The following ABCC10 variants were observed in gnomAD, a reference collection of about 807,000 sequenced individuals.
ABCC10 encodes ATP binding cassette subfamily C member 10, also known as ATP-binding cassette sub-family C member 10.
A neutral mutation model predicts 143.2 loss-of-function variants in ABCC10; 110 were observed. That is an observed-to-expected ratio of 0.77 (90% confidence interval 0.66 to 0.90). The LOEUF is 0.90. ABCC10 is among the 40% of genes least tolerant of loss of function. The pLI is 0.00. For synonymous variants in ABCC10, 805 were observed against 846.7 expected (o/e 0.95, Z 0.85); for missense variants, 1,700 against 1,900.5 (o/e 0.89, Z 1.96).
In ABCC10 at chr6:43,429,392, G is replaced by GTGTT. The variant is rs1245303675; in HGVS notation, c.161+1256_161+1257insTTGT. Among the ~76,000 whole-genome samples, 18 of 46,326 alleles carry GTGTT rather than the reference G, an allele frequency of 3.9e-4. 1 individual carries two copies. The highest frequency in any genetic ancestry group is 1.4e-3 in the African/African-American group (17 of 12,182). The allele number at this position is 46,326 out of a possible 152,430, so 30.4% of individuals were successfully genotyped here. A position where few individuals can be genotyped will look rare whatever the true frequency, so the allele number is the denominator to read the frequency against. Reference sequence around the variant, plus strand: ...CTTTCTTGTGTGTGTGTGTGTGTGTGTGTGTGTGTGTGTGTGTGGCGGGGG... The same window carrying GTGTT: ...CTTTCTTGTGTGTGTGTGTGTGTGTGTGTTTGTGTGTGTGTGTGTGTGGCGGGGG... On this transcript the variant is annotated intron_variant, in intron 2 of 21. Transcript: ENST00000372530.
At chr6:43,440,521 GGGAGGCCAA>G (rs1782282221) in intron 8 of ABCC10, among the ~76,000 whole-genome samples, 1 of 152,094 alleles carries the variant, frequency 6.6e-6, no homozygotes, top group African/African-American at 2.4e-5. Flanking sequence ...CTAGCATTTT[GGGAGGCCAA>G]GGAGGGTGGA....
At chr6:43,429,084 C>G (rs943344861) in intron 2 of ABCC10, among the ~76,000 whole-genome samples, 27 of 152,202 alleles carry the variant, frequency 1.8e-4, no homozygotes, top group Non-Finnish European at 4.4e-5. Flanking sequence ...CTTCACTTCA[C>G]TTATCAGCCT....
At chr6:43,440,271 T>C (rs1782249671) in intron 8 of ABCC10, among the ~76,000 whole-genome samples, 1 of 152,092 alleles carries the variant, frequency 6.6e-6, no homozygotes, top group Admixed American at 6.6e-5. Flanking sequence ...TTTCGTAGGT[T>C]TTTAGAGAAG....
chr6:43,451,758 A>C (rs1260700843), downstream of ABCC10, among the ~76,000 whole-genome samples: 2 of 151,696 alleles, frequency 1.3e-5, no homozygotes, highest in Non-Finnish European at 2.9e-5. This position sits in a 1 kb window ranked among gnomAD's most constrained non-coding sequence, Gnocchi z 4.4. Context: ...CTCAGAAGGT[A>C]CAAAAAAAAA....
downstream of ABCC10, chr6:43,451,869 C>A: frequency 6.3e-7 from 1 of 1,584,280 alleles, no homozygotes. The surrounding 1 kb of genome is among the most constrained non-coding windows in gnomAD (Gnocchi z 4.4). Context: ...CCCAACAGTC[C>A]TGCCTCTTTT....
At chr6:43,446,940 T>G in intron 16 of ABCC10, 1 of 957,800 alleles carries the variant, frequency 1.0e-6, no homozygotes, top group South Asian at 2.9e-5. Flanking sequence ...CTCTGCCTCC[T>G]GGGTTCAAGC....
In ABCC10 at chr6:43,449,503, G is replaced by A. The variant is rs1315034623; in HGVS notation, c.4285G>A (p.Ala1429Thr). Reference sequence around the variant, plus strand: ...CCAGCAGACCATCTGCAAACGCTTTGCCAACAAGACAGTGCTGACCATTGC... The same window carrying A: ...CCAGCAGACCATCTGCAAACGCTTTACCAACAAGACAGTGCTGACCATTGC... ...LLQQTICKRF[A>T]NKTVLTIAHR... Residue 1429 changes from alanine to threonine, a missense_variant, in exon 21 of 22, where the codon GCC (alanine) becomes ACC (threonine). Physicochemically the swap from Ala to Thr is moderately conservative, Grantham distance 58. Transcript: ENST00000372530. 1 of 1,614,018 alleles carries A rather than the reference G, an allele frequency of 6.2e-7. No individual in the cohort carries two copies. Among genetic ancestry groups the A allele is most frequent in the Non-Finnish European group, 8.5e-7 (1 of 1,179,950 alleles).
In ABCC10 at chr6:43,450,007, C is replaced by T. The variant is rs1341021130; in HGVS notation, c.4395C>T (p.Thr1465=). ...GRVVELDSPA[T]LRNQPHSLFQ... is the part of the protein sequence containing the mutation. ...TGGTAGAGCTGGACTCCCCGGCCACCCTGCGCAACCAGCCCCACTCCCTGT... is the reference window on the plus strand; with the variant it reads ...TGGTAGAGCTGGACTCCCCGGCCACTCTGCGCAACCAGCCCCACTCCCTGT... Residue 1465 remains threonine (T), a synonymous_variant, in exon 22 of 22, where the codon ACC becomes ACT. Transcript: ENST00000372530. The surrounding 1 kb of genome is among the most constrained non-coding windows in gnomAD (Gnocchi z 4.5). 2 of 1,613,554 alleles carry T rather than the reference C, an allele frequency of 1.2e-6. No homozygotes were observed. The highest frequency in any genetic ancestry group is 3.3e-5 in the Admixed American group (2 of 59,990).
intron 8 of ABCC10, among the ~76,000 whole-genome samples, chr6:43,439,533 G>A (rs895778139): frequency 9.9e-5 from 15 of 152,048 alleles, no homozygotes; most frequent in African/African-American, 3.6e-4. Context: ...CCCTCAAGTG[G>A]CTGGGACTAC....
At chr6:43,439,827 C>T (rs1028297464) in intron 8 of ABCC10, among the ~76,000 whole-genome samples, 10 of 152,102 alleles carry the variant, frequency 6.6e-5, no homozygotes, top group Non-Finnish European at 1.3e-4. Context: ...TGTGATCTGC[C>T]CACCTTGGCC....
Position 43,435,783 on chromosome 6 carries a change from C to T in ABCC10, c.1641C>T (p.Leu547=), listed in dbSNP as rs149139223. ...CGGCCCTGGCACTGGTGCGAATGCT[C>T]ATTCTTCCTCTCAACAACTTCCCTT... ...VFTALALVRM[L]ILPLNNFPWV... is the part of the protein sequence containing the mutation. Residue 547 remains leucine, a synonymous_variant, in exon 5 of 22, where the codon CTC becomes CTT. Coordinates refer to ENST00000372530, the MANE Select transcript of ABCC10 (RefSeq NM_001198934.2). The T allele has an allele frequency of 6.2e-6, 10 of 1,614,214 alleles. No individual in the cohort carries two copies. In the South Asian group the frequency reaches 6.6e-5, roughly 11 times the overall value.
chr6:43,444,173 G>A lies in ABCC10; in HGVS notation c.2509G>A (p.Val837Ile), dbSNP rs1782775346. 1.2e-6 allele frequency: 2 copies of A among 1,613,616 alleles called. No individual in the cohort carries two copies. Among genetic ancestry groups the A allele is most frequent in the Non-Finnish European group, 1.7e-6 (2 of 1,179,742 alleles). ...QESDSATAQS[V>I]QNPEKTKEGL... The stretch of plus-strand genomic sequence containing the variant: ...GATTCTCACAGCCACAGCCCAGTCA[G>A]TACAGAACCCAGAGAAAACAAAGGA... Residue 837 changes from valine (V) to isoleucine (I), a missense_variant, in exon 12 of 22, where the codon GTA becomes ATA. Physicochemically the swap from Val to Ile is conservative, Grantham distance 29. Transcript: ENST00000372530.
rs1275987263 is a variant in ABCC10 at position 43,434,670 on chromosome 6, G to A, written c.1430G>A (p.Trp477Ter). The change falls in exon 4 of 22, where the codon TGG becomes TAG. Residue 477 changes from tryptophan (W) to a stop codon, truncating the protein, a stop_gained. Coordinates refer to ENST00000372530, the MANE Select transcript of ABCC10 (RefSeq NM_001198934.2). LOFTEE classifies it high-confidence loss of function. Reference protein sequence around the residue: ...SGIRVIKFCGWEQALGARVEA... With the variant: ...SGIRVIKFCG ...ATTCGGGTCATCAAGTTCTGCGGGTGGGAGCAGGCACTGGGAGCCCGAGTA... is the reference window on the plus strand; with the variant it reads ...ATTCGGGTCATCAAGTTCTGCGGGTAGGAGCAGGCACTGGGAGCCCGAGTA... 3 of 1,614,080 alleles carry A rather than the reference G, an allele frequency of 1.9e-6. No homozygotes were observed. In the African/African-American group the frequency reaches 4.0e-5, roughly 22 times the overall value.
intron 5 of ABCC10, 63 bp from the exon 6 acceptor site, chr6:43,436,075 T>C (rs1423027585): frequency 1.2e-6 from 2 of 1,611,266 alleles, no homozygotes; most frequent in Admixed American, 3.3e-5. Flanking sequence ...AATTACATGA[T>C]TTACCCTCCC....
rs1258785683 is a variant in ABCC10 at position 43,428,069 on chromosome 6, C to T, written c.91C>T (p.Gln31Ter). Residue 31 changes from glutamine to a stop codon, truncating the protein, a stop_gained, in exon 2 of 22, where the codon CAG becomes TAG. Transcript: ENST00000372530. LOFTEE classifies it high-confidence loss of function. The stretch of plus-strand genomic sequence containing the variant: ...GGACACCACAGGCCACTGCTTCACC[C>T]AGCTGGTGCTCAGCGCCCTGCCCCA... ...EGDTTGHCFT[Q>*]LVLSALPHAL... The T allele has an allele frequency of 6.3e-7, 1 of 1,580,642 alleles. No individual in the cohort carries two copies. Among genetic ancestry groups the T allele is most frequent in the Non-Finnish European group, 8.6e-7 (1 of 1,164,548 alleles).
chr6:43,451,523 T>C (rs148489792), downstream of ABCC10, among the ~76,000 whole-genome samples: 70 of 151,828 alleles, frequency 4.6e-4, 1 homozygote, highest in East Asian at 0.013. This position sits in a 1 kb window ranked among gnomAD's most constrained non-coding sequence, Gnocchi z 4.4. Flanking sequence ...GTAAGTGTGC[T>C]ATTATTATCC....
At chr6:43,450,687 C>T (rs746049919), downstream of ABCC10, 3 of 1,613,864 alleles carry the variant, frequency 1.9e-6, no homozygotes, top group East Asian at 4.5e-5. This position sits in a 1 kb window ranked among gnomAD's most constrained non-coding sequence, Gnocchi z 4.5. Flanking sequence ...GGGGCAGACA[C>T]CCCGGCGCCA....
At chr6:43,444,665 G>A (rs745940407) in intron 12 of ABCC10, 123 bp from the exon 13 acceptor site, 225 of 1,395,184 alleles carry the variant, frequency 1.6e-4, no homozygotes, top group Non-Finnish European at 2.1e-4. Context: ...AGGGTGGGGA[G>A]GCCAGGCCAG....
downstream of ABCC10, chr6:43,450,786 A>T: frequency 3.1e-6 from 5 of 1,614,248 alleles, no homozygotes; most frequent in Non-Finnish European, 4.2e-6. The surrounding 1 kb of genome is among the most constrained non-coding windows in gnomAD (Gnocchi z 4.5). Flanking sequence ...AGGCTCACCT[A>T]GCCCAGCCTC....
Sources: allele counts gnomAD v4.1 joint callset (sites outside exome capture counted in the v4.1 genomes callset), GRCh38; gene constraint gnomAD v4.1.1; non-coding constraint Gnocchi (gnomAD v3.1); transcripts MANE v1.5; gene names NCBI Gene and HGNC (gene_info 2026-07-23, HGNC 2026-07-21).